Variants in THSD7B observed in about 807,000 individuals in gnomAD.
THSD7B encodes the protein thrombospondin type 1 domain containing 7B.
Under a neutral mutation model 213.6 loss-of-function variants are expected in THSD7B, and 138 were observed. The observed-to-expected ratio is 0.65, with a 90% CI of 0.56 to 0.74. THSD7B has a LOEUF of 0.74. Ranked by LOEUF, THSD7B falls within the 30% of genes least tolerant of loss-of-function variation. The probability of loss-of-function intolerance (pLI) is 0.00; values close to 1 mark genes in which losing one functional copy is unlikely to be tolerated. For missense variants in THSD7B, 1,931 were observed against 1,991.5 expected (o/e 0.97, Z 0.58); for synonymous variants, 742 against 687.0 (o/e 1.08, Z -1.25).
intron 7 of THSD7B, among the ~76,000 whole-genome samples, chr2:137,184,639 C>G (rs1680517685): frequency 6.6e-6 from 1 of 152,116 alleles, no homozygotes; most frequent in Non-Finnish European, 1.5e-5. Flanking sequence ...TATCAACTGT[C>G]TATATTTGTC....
In THSD7B at chr2:137,338,885, T is replaced by C. The variant is rs188588695; in HGVS notation, c.2500+62859T>C. 2.0e-3 allele frequency among the ~76,000 whole-genome samples: 309 copies of C among 152,086 alleles called. 1 individual carries two copies. The highest frequency in any genetic ancestry group is 6.8e-3 in the African/African-American group (283 of 41,514). ...GTGACAAAGTTCGTGGCTGTGGAGG[T>C]TAATTGCTCTTTAGAGATTTTATGA... On this transcript the variant is annotated intron_variant, in intron 12 of 27. Transcript: ENST00000409968.
intron 1 of THSD7B, among the ~76,000 whole-genome samples, chr2:136,794,895 A>G (rs772931420): frequency 4.6e-5 from 7 of 151,978 alleles, no homozygotes; most frequent in Non-Finnish European, 1.0e-4. Context: ...TGACACTTGT[A>G]CACTTATAAA....
intron 17 of THSD7B, among the ~76,000 whole-genome samples, chr2:137,589,701 A>G (rs1440154697): frequency 1.3e-5 from 2 of 152,186 alleles, no homozygotes; most frequent in African/African-American, 4.8e-5. Flanking sequence ...TATTATCTCA[A>G]ATAATAGATA....
chr2:137,435,204 GT>G (rs1392915276), intron 14 of THSD7B, among the ~76,000 whole-genome samples: 4 of 151,998 alleles, frequency 2.6e-5, no homozygotes, highest in African/African-American at 9.7e-5. Context: ...AACTTCATAA[GT>G]TTTGGCATAC....
At chr2:136,891,713 G>A (rs900864796) in intron 2 of THSD7B, among the ~76,000 whole-genome samples, 24 of 152,336 alleles carry the variant, frequency 1.6e-4, no homozygotes, top group South Asian at 2.1e-4. Context: ...TCTAGTTGAT[G>A]AAAAGAGGTA....
At chr2:137,524,662 G>T (rs1680245851) in intron 15 of THSD7B, among the ~76,000 whole-genome samples, 5 of 152,166 alleles carry the variant, frequency 3.3e-5, no homozygotes, top group African/African-American at 1.2e-4. Context: ...GAAAAAAGAT[G>T]TGTGTTCATA....
At chr2:137,364,187 AT>A (rs1685345708) in intron 12 of THSD7B, among the ~76,000 whole-genome samples, 1 of 152,210 alleles carries the variant, frequency 6.6e-6, no homozygotes, top group Non-Finnish European at 1.5e-5. Context: ...GACAAAATTC[AT>A]GCTAAAGCCT....
At chr2:137,220,112 T>A (rs1018295968) in intron 7 of THSD7B, among the ~76,000 whole-genome samples, 3 of 152,206 alleles carry the variant, frequency 2.0e-5, no homozygotes, top group African/African-American at 7.2e-5. Context: ...ATGTATTTTC[T>A]GTTCCTTCCT....
Position 137,411,892 on chromosome 2 carries a change from G to A in THSD7B, c.2959+20G>A. ...GCTCTGGTAAGGAGATGGATGGAGAGTAACAGATGAGAACACTCACACACA... is the reference window on the plus strand; with the variant it reads ...GCTCTGGTAAGGAGATGGATGGAGAATAACAGATGAGAACACTCACACACA... On this transcript the variant is annotated intron_variant, in intron 14 of 27. Coordinates refer to ENST00000409968, the MANE Select transcript of THSD7B (RefSeq NM_001316349.2). 6.2e-7 allele frequency: 1 copy of A among 1,613,000 alleles called. No individual in the cohort carries two copies. Among genetic ancestry groups the A allele is most frequent in the Non-Finnish European group, 8.5e-7 (1 of 1,179,180 alleles).
chr2:137,521,616 C>G lies in THSD7B; in HGVS notation c.3139-41605C>G, dbSNP rs189108858. Reference sequence around the variant, plus strand: ...GGGAATAAAGTTGTTAGTGTCTCAACCCTGTTTGTTTTCTATGATCAGAGC... The same window carrying G: ...GGGAATAAAGTTGTTAGTGTCTCAAGCCTGTTTGTTTTCTATGATCAGAGC... On this transcript the variant is annotated intron_variant, in intron 15 of 27. Transcript: ENST00000409968. Among the ~76,000 whole-genome samples, 9 of 152,278 alleles carry G rather than the reference C, an allele frequency of 5.9e-5. No homozygotes were observed. In the East Asian group the frequency reaches 1.5e-3, roughly 26 times the overall value.
At chr2:137,641,742 C>T (rs1398260166) in intron 20 of THSD7B, among the ~76,000 whole-genome samples, 1 of 152,160 alleles carries the variant, frequency 6.6e-6, no homozygotes, top group Non-Finnish European at 1.5e-5. Flanking sequence ...GCGATTTTTA[C>T]TAATCAATTG....
At chr2:137,350,515 T>C (rs945807014) in intron 12 of THSD7B, among the ~76,000 whole-genome samples, 2 of 151,714 alleles carry the variant, frequency 1.3e-5, no homozygotes, top group Admixed American at 6.6e-5. Flanking sequence ...AGGGGGATCA[T>C]GGAGGAGTTT....
chr2:137,045,579 T>G (rs1686955299), intron 2 of THSD7B, among the ~76,000 whole-genome samples: 1 of 152,240 alleles, frequency 6.6e-6, no homozygotes, highest in Non-Finnish European at 1.5e-5. Context: ...CCACAAAAAG[T>G]GAAGCCACAG....
At chr2:137,272,484 G>C (rs1682768984) in intron 10 of THSD7B, 49 bp from the exon 11 acceptor site, 1 of 1,530,254 alleles carries the variant, frequency 6.5e-7, no homozygotes, top group Admixed American at 2.3e-5. Context: ...ATTTTGATCT[G>C]CATCAACATA....
At chr2:136,964,769 G>A (rs185726862) in intron 2 of THSD7B, among the ~76,000 whole-genome samples, 83 of 152,192 alleles carry the variant, frequency 5.5e-4, no homozygotes, top group Middle Eastern at 3.4e-3. Flanking sequence ...TTGGGAGGCC[G>A]AGGCAGGTGG....
At chr2:137,277,456 A>G (rs1682900811) in intron 12 of THSD7B, among the ~76,000 whole-genome samples, 1 of 152,028 alleles carries the variant, frequency 6.6e-6, no homozygotes. Flanking sequence ...ATGGGTCTTC[A>G]ATTTTAGGAT....
intron 17 of THSD7B, among the ~76,000 whole-genome samples, chr2:137,615,330 G>T (rs1490081553): frequency 6.6e-6 from 1 of 152,142 alleles, no homozygotes; most frequent in African/African-American, 2.4e-5. Context: ...AGAAGAACAT[G>T]GTATTGTTAG....
At chr2:137,640,191 G>A (rs570711489) in intron 20 of THSD7B, among the ~76,000 whole-genome samples, 13 of 152,112 alleles carry the variant, frequency 8.5e-5, no homozygotes, top group East Asian at 1.9e-4. Context: ...AGTCTTTCCC[G>A]TGCTATTCTT....
chr2:137,581,871 G>A (rs899730572), intron 17 of THSD7B, among the ~76,000 whole-genome samples: 2 of 151,758 alleles, frequency 1.3e-5, no homozygotes, highest in African/African-American at 4.8e-5. Flanking sequence ...GCTGAGGCAG[G>A]TGGATCACTT....
Sources: gnomAD v4.1 joint callset for allele counts (sites outside exome capture counted in the v4.1 genomes callset) on GRCh38, gnomAD v4.1.1 for gene constraint, MANE v1.5 for transcripts, NCBI Gene and HGNC (gene_info 2026-07-23, HGNC 2026-07-21) for gene names.